The following LRRC1 variants were observed in gnomAD, a reference collection of about 807,000 sequenced individuals.
LRRC1 encodes the protein leucine rich repeat containing 1.
Under a neutral mutation model 69.9 loss-of-function variants are expected in LRRC1, and 28 were observed. The ratio of observed to expected loss-of-function variants is 0.40; its 90% confidence interval spans 0.30 to 0.55. The LOEUF (loss-of-function observed/expected upper bound fraction) is 0.55, where lower values mean the gene tolerates loss of function less well. LRRC1 is among the 20% of genes least tolerant of loss of function. The pLI is 0.47. For synonymous variants in LRRC1, 236 were observed against 240.2 expected, an observed-to-expected ratio of 0.98 and a Z score of 0.16; for missense variants, 498 against 609.0, an observed-to-expected ratio of 0.82 and a Z score of 1.92.
chr6:53,912,707 A>G (rs1023238022), intron 10 of LRRC1, among the ~76,000 whole-genome samples: 2 of 152,256 alleles, frequency 1.3e-5, no homozygotes, highest in African/African-American at 2.4e-5. Flanking sequence ...TCTGCTTTTG[A>G]AGATATTTTA....
At chr6:53,856,940 G>A (rs1446881914) in intron 2 of LRRC1, among the ~76,000 whole-genome samples, 4 of 152,130 alleles carry the variant, frequency 2.6e-5, no homozygotes, top group African/African-American at 9.7e-5. Flanking sequence ...GCGGGAGGGA[G>A]AGGTTTTGGG....
chr6:53,862,439 CCTTTA>C (rs1766560582), intron 2 of LRRC1, among the ~76,000 whole-genome samples: 1 of 151,954 alleles, frequency 6.6e-6, no homozygotes, highest in African/African-American at 2.4e-5. Context: ...CTGGAATTCA[CCTTTA>C]CTTTGTGTGT....
chr6:53,867,811 T>A (rs949552916), intron 2 of LRRC1, among the ~76,000 whole-genome samples: 1 of 151,984 alleles, frequency 6.6e-6, no homozygotes, highest in African/African-American at 2.4e-5. Flanking sequence ...TAAAATTAGC[T>A]GGGCGTGGTG....
intron 1 of LRRC1, among the ~76,000 whole-genome samples, chr6:53,839,180 T>C (rs1408755768): frequency 6.6e-6 from 1 of 152,116 alleles, no homozygotes; most frequent in African/African-American, 2.4e-5. Context: ...AGTGCAAAGA[T>C]GTATTTGTGC....
chr6:53,842,052 C>T, intron 1 of LRRC1, 58 bp from the exon 2 acceptor site: 6 of 1,105,342 alleles, frequency 5.4e-6, no homozygotes, highest in Non-Finnish European at 8.2e-6. Flanking sequence ...TCATAGTAGC[C>T]CAAAAGTTTA....
chr6:53,876,286 C>T (rs1223889479), intron 2 of LRRC1, among the ~76,000 whole-genome samples: 2 of 151,954 alleles, frequency 1.3e-5, no homozygotes, highest in East Asian at 3.9e-4. Flanking sequence ...GACCTGCCCC[C>T]ATGATTCAGT....
At chr6:53,920,524 TG>T in intron 12 of LRRC1, 100 bp from the exon 13 acceptor site, 1 of 1,325,074 alleles carries the variant, frequency 7.5e-7, no homozygotes, top group Non-Finnish European at 1.1e-6. Flanking sequence ...GTTCTACCCC[TG>T]GTCCTCCGTA....
At chr6:53,873,670 A>G (rs539500727) in intron 2 of LRRC1, among the ~76,000 whole-genome samples, 4 of 152,164 alleles carry the variant, frequency 2.6e-5, no homozygotes, top group East Asian at 1.9e-4. Context: ...ACTAGTTCTC[A>G]TGGGTTTTTT....
In LRRC1 at chr6:53,812,943, C is replaced by T. The variant is rs565894637; in HGVS notation, c.159+17528C>T. ...GTGCCAGGCTTCTGATTTTTTTTTCCTCTAGAGTGCTCAACTATACAGGCT... is the reference window on the plus strand; with the variant it reads ...GTGCCAGGCTTCTGATTTTTTTTTCTTCTAGAGTGCTCAACTATACAGGCT... On this transcript the variant is annotated intron_variant, in intron 1 of 13. Coordinates refer to ENST00000370888, the MANE Select transcript of LRRC1 (RefSeq NM_018214.5). 4.4e-4 allele frequency among the ~76,000 whole-genome samples: 67 copies of T among 151,368 alleles called. 1 individual carries two copies. The South Asian group carries it at 0.014, about 31-fold the overall frequency.
At chr6:53,858,031 G>C (rs1766368837) in intron 2 of LRRC1, among the ~76,000 whole-genome samples, 1 of 152,206 alleles carries the variant, frequency 6.6e-6, no homozygotes, top group East Asian at 1.9e-4. Flanking sequence ...AGGCATTGCT[G>C]TTGCCACTAC....
rs369984538 is a variant in LRRC1 at position 53,922,735 on chromosome 6, T to A, written c.1517T>A (p.Leu506Gln). The change falls in exon 14 of 14, where the codon CTG becomes CAG. Residue 506 changes from leucine (L) to glutamine (Q), a missense_variant. Around this residue, in one of 3 missense-constraint regions of LRRC1, gnomAD observed 162 missense variants for 162.9 expected, o/e 0.99. Coordinates refer to ENST00000370888, the MANE Select transcript of LRRC1 (RefSeq NM_018214.5). ...AATGACATGAATGCTGCTAAAGGAC[T>A]GGACTCAAACAAAAACGAGGTCAAT... is the stretch of plus-strand genomic sequence containing the variant. The part of the protein sequence containing the change: ...LRNDMNAAKG[L>Q]DSNKNEVNHA... 2.2e-5 allele frequency: 35 copies of A among 1,613,984 alleles called. No individual in the cohort carries two copies. The highest frequency in any genetic ancestry group is 2.9e-5 in the Non-Finnish European group (34 of 1,179,974).
chr6:53,834,391 T>C (rs1206749338), intron 1 of LRRC1, among the ~76,000 whole-genome samples: 1 of 152,194 alleles, frequency 6.6e-6, no homozygotes, highest in Non-Finnish European at 1.5e-5. Flanking sequence ...TCTGACAGCA[T>C]TGGTAATTTT....
intron 2 of LRRC1, among the ~76,000 whole-genome samples, chr6:53,863,547 G>A (rs1319898747): frequency 6.6e-6 from 1 of 152,190 alleles, no homozygotes; most frequent in Non-Finnish European, 1.5e-5. Context: ...GCCTTCTGAA[G>A]AAGGACTTTG....
chr6:53,857,129 A>G (rs1766335667), intron 2 of LRRC1, among the ~76,000 whole-genome samples: 1 of 152,112 alleles, frequency 6.6e-6, no homozygotes, highest in Non-Finnish European at 1.5e-5. Context: ...TCAGGGGAGA[A>G]ACTTTAATAG....
intron 4 of LRRC1, among the ~76,000 whole-genome samples, chr6:53,886,341 A>G (rs2127432557): frequency 6.6e-6 from 1 of 152,368 alleles, no homozygotes; most frequent in East Asian, 1.9e-4. Context: ...AAACATTGAC[A>G]TAAATATGAG....
rs371797774 is a variant in LRRC1 at position 53,896,901 on chromosome 6, G to A, written c.567+9G>A. The A allele has an allele frequency of 1.7e-5, 26 of 1,536,288 alleles. No homozygotes were observed. The highest frequency in any genetic ancestry group is 6.8e-5 in the African/African-American group (5 of 73,086). On this transcript the variant is annotated intron_variant, in intron 6 of 13. Coordinates refer to ENST00000370888, the MANE Select transcript of LRRC1 (RefSeq NM_018214.5). ...ATGAAATATATAATTTGGTAAGTCC[G>A]TATTAGAGATTTGAATTTAACTTTG...
At chr6:53,824,124 C>CT (rs572379001) in intron 1 of LRRC1, among the ~76,000 whole-genome samples, 9,698 of 146,376 alleles carry the variant, frequency 0.066, 338 homozygotes, top group Middle Eastern at 0.18. Context: ...TTAAGTGTTC[C>CT]TTTTTTTTTT....
At chr6:53,884,171 A>G (rs1170733896) in intron 4 of LRRC1, 1 of 593,186 alleles carries the variant, frequency 1.7e-6, no homozygotes, top group Non-Finnish European at 3.0e-6. Flanking sequence ...ATGCATGTAC[A>G]ATTCACTTTT....
At chr6:53,881,899 CT>C (rs1389065514) in intron 3 of LRRC1, among the ~76,000 whole-genome samples, 1 of 152,132 alleles carries the variant, frequency 6.6e-6, no homozygotes, top group Non-Finnish European at 1.5e-5. Context: ...TGAAACTAAA[CT>C]TTCTTTGTAA....
Sources: allele counts gnomAD v4.1 joint callset (sites outside exome capture counted in the v4.1 genomes callset), GRCh38; gene constraint gnomAD v4.1.1; regional missense constraint gnomAD v4.1.1; transcripts MANE v1.5; gene names NCBI Gene and HGNC (gene_info 2026-07-23, HGNC 2026-07-21).